ACADSB: variants seen among roughly 807,000 people sequenced by gnomAD.
ACADSB encodes acyl-CoA dehydrogenase short/branched chain, also known as short/branched chain specific acyl-CoA dehydrogenase, mitochondrial.
In ACADSB, 40 loss-of-function variants were observed where a neutral mutation model predicts 54.1. The observed-to-expected ratio is 0.74, with a 90% CI of 0.57 to 0.96. ACADSB has a LOEUF of 0.96. Among genes scored for constraint, ACADSB ranks in the 40% least tolerant of loss-of-function variants. The probability of loss-of-function intolerance (pLI) is 0.00; values close to 1 mark genes in which losing one functional copy is unlikely to be tolerated. For synonymous variants in ACADSB, 182 were observed against 182.8 expected (o/e 1.00, Z 0.03); for missense variants, 530 against 510.4 (o/e 1.04, Z -0.37).
chr10:123,039,300 C>T (rs1205679562), intron 3 of ACADSB, among the ~76,000 whole-genome samples: 1 of 152,300 alleles, frequency 6.6e-6, no homozygotes, highest in East Asian at 1.9e-4. Flanking sequence ...TTCCCTTTTC[C>T]TGTTGTAGCC....
intron 8 of ACADSB, among the ~76,000 whole-genome samples, chr10:123,050,510 G>C (rs1850615151): frequency 6.6e-6 from 1 of 152,186 alleles, no homozygotes; most frequent in African/African-American, 2.4e-5. Context: ...GTTAACTGTT[G>C]TTTCTTTCAT....
In ACADSB at chr10:123,052,943, C is replaced by T; in HGVS notation, c.1129-118C>T. On this transcript the variant is annotated intron_variant, in intron 9 of 10. Transcript: ENST00000358776. The surrounding 1 kb of genome is among the most constrained non-coding windows in gnomAD (Gnocchi z 4.2). ...GAGACAATGCTAGTTTAGAAGATAA[C>T]TTTAGTCCTTCCAGTGCCACTAACA... is the stretch of plus-strand genomic sequence containing the variant. 1.3e-6 allele frequency: 1 copy of T among 772,552 alleles called. No homozygotes were observed. The allele number at this position is 772,552 out of a possible 1,614,324, so 47.9% of individuals were successfully genotyped here. A position where few individuals can be genotyped will look rare whatever the true frequency, so the allele number is the denominator to read the frequency against.
At chr10:123,049,610 T>C (rs1272707417) in intron 8 of ACADSB, among the ~76,000 whole-genome samples, 1 of 152,196 alleles carries the variant, frequency 6.6e-6, no homozygotes, top group Non-Finnish European at 1.5e-5. Context: ...AATTCACTGA[T>C]GGAACAAAAC....
Position 123,055,013 on chromosome 10 carries a change from T to C in ACADSB, c.*1248T>C, listed in dbSNP as rs1339369680. The C allele has an allele frequency of 6.6e-6, 1 of 152,258 alleles. No individual in the cohort carries two copies. Among genetic ancestry groups the C allele is most frequent in the Non-Finnish European group, 1.5e-5 (1 of 68,104 alleles). 9.4% of individuals were successfully genotyped at this position (152,258 alleles called of 1,614,324 possible). A position where few individuals can be genotyped will look rare whatever the true frequency, so the allele number is the denominator to read the frequency against. ...AGGAATGAGGGAGAGAAGGGGGCTGTAGAGTTTGAAAAAGCATATTCAATA... is the reference window on the plus strand; with the variant it reads ...AGGAATGAGGGAGAGAAGGGGGCTGCAGAGTTTGAAAAAGCATATTCAATA... On this transcript the variant is annotated 3_prime_UTR_variant, in exon 11 of 11. Transcript: ENST00000358776.
At chr10:123,028,198 A>G (rs1850280068) in intron 1 of ACADSB, among the ~76,000 whole-genome samples, 1 of 152,188 alleles carries the variant, frequency 6.6e-6, no homozygotes. Context: ...TCTCAGGGAC[A>G]TTCTTTCTCA....
chr10:123,051,231 T>TC, intron 9 of ACADSB, 45 bp downstream of exon 9: 2 of 1,309,064 alleles, frequency 1.5e-6, no homozygotes, highest in Non-Finnish European at 1.9e-6. Flanking sequence ...TAATTCAGCC[T>TC]TTTTTTTTTC....
At chr10:123,043,639 G>A (rs1589742632) in intron 6 of ACADSB, among the ~76,000 whole-genome samples, 1 of 152,162 alleles carries the variant, frequency 6.6e-6, no homozygotes, top group South Asian at 2.1e-4. Context: ...GGGGCAGGTG[G>A]TGTCGGCTTT....
chr10:123,055,770 A>C lies in ACADSB; in HGVS notation c.*2005A>C, dbSNP rs1265270041. On this transcript the variant is annotated 3_prime_UTR_variant, in exon 11 of 11. Coordinates refer to ENST00000358776, the MANE Select transcript of ACADSB (RefSeq NM_001609.4). ...GGTAACAGGGCCCATGCAAGTCCAA[A>C]ATTCAGCAGGGCAGTCAAATTTTAA... The C allele has an allele frequency of 6.6e-6, 1 of 152,190 alleles. No homozygotes were observed. Among genetic ancestry groups the C allele is most frequent in the Non-Finnish European group, 1.5e-5 (1 of 68,050 alleles). The allele number at this position is 152,190 out of a possible 1,614,324, so 9.4% of individuals were successfully genotyped here.
rs1275282706 is a variant in ACADSB at position 123,055,996 on chromosome 10, C to T, written c.*2231C>T. The T allele has an allele frequency of 6.6e-6, 1 of 152,478 alleles. No individual in the cohort carries two copies. The highest frequency in any genetic ancestry group is 6.5e-5 in the Admixed American group (1 of 15,288). The allele number at this position is 152,478 out of a possible 1,614,324, so 9.4% of individuals were successfully genotyped here. On this transcript the variant is annotated 3_prime_UTR_variant, in exon 11 of 11. Coordinates refer to ENST00000358776, the MANE Select transcript of ACADSB (RefSeq NM_001609.4). Reference sequence around the variant, plus strand: ...AGCCTGAATTTTATTGTCAATATTGCTATCAGCATTTTGGGCAAAGCCATT... The same window carrying T: ...AGCCTGAATTTTATTGTCAATATTGTTATCAGCATTTTGGGCAAAGCCATT...
chr10:123,052,306 G>T lies in ACADSB; in HGVS notation c.1129-755G>T, dbSNP rs1850642944. ...TGGTTCTGGCAGACAGTTGTTTCCA[G>T]CTTCTAGGGGCTGCTCACATTCCTT... On this transcript the variant is annotated intron_variant, in intron 9 of 10. Transcript: ENST00000358776. The surrounding 1 kb of genome is among the most constrained non-coding windows in gnomAD (Gnocchi z 4.2). Among the ~76,000 whole-genome samples, 1 of 152,178 alleles carries T rather than the reference G, an allele frequency of 6.6e-6. No homozygotes were observed. Among genetic ancestry groups the T allele is most frequent in the South Asian group, 2.1e-4 (1 of 4,820 alleles).
rs987478577 is a variant in ACADSB at position 123,056,401 on chromosome 10, G to A, written c.*2636G>A. 5.1e-5 allele frequency: 10 copies of A among 195,076 alleles called. No individual in the cohort carries two copies. The highest frequency in any genetic ancestry group is 4.3e-3 in the Middle Eastern group (2 of 470). 12.1% of individuals were successfully genotyped at this position (195,076 alleles called of 1,614,324 possible). ...CAGATCTCATGAGACTTACTATCAT[G>A]AGAATAGCACAGGAAAGACTGGCCC... On this transcript the variant is annotated 3_prime_UTR_variant, in exon 11 of 11. Transcript: ENST00000358776.
intron 8 of ACADSB, among the ~76,000 whole-genome samples, chr10:123,050,257 TTGTC>T (rs1384495391): frequency 6.6e-6 from 1 of 152,216 alleles, no homozygotes; most frequent in Non-Finnish European, 1.5e-5. Context: ...AATTATTTAA[TTGTC>T]TGTTCTTCCT....
intron 4 of ACADSB, among the ~76,000 whole-genome samples, chr10:123,040,912 A>G (rs1213872728): frequency 6.6e-6 from 1 of 152,196 alleles, no homozygotes; most frequent in African/African-American, 2.4e-5. Context: ...TGTCCTGATT[A>G]TATTTTCTAA....
intron 1 of ACADSB, among the ~76,000 whole-genome samples, chr10:123,029,425 C>T (rs545141606): frequency 6.6e-6 from 1 of 151,984 alleles, no homozygotes; most frequent in East Asian, 1.9e-4. Flanking sequence ...TCCTCAGATA[C>T]AACCTCCATC....
rs1564752982 is a variant in ACADSB, at chr10:123,045,158, TATATA to T, written c.900+674_900+678del. Among the ~76,000 whole-genome samples, 32 of 15,496 alleles carry T rather than the reference TATATA, an allele frequency of 2.1e-3. 1 individual carries two copies. Among genetic ancestry groups the T allele is most frequent in the African/African-American group, 5.3e-3 (18 of 3,368 alleles). 10.2% of individuals were successfully genotyped at this position (15,496 alleles called of 152,430 possible). On this transcript the variant is annotated intron_variant, in intron 7 of 10. Transcript: ENST00000358776. ...ATATATATATATATATATATATATA[TATATA>T]TATATATATTTTTTTTTTTTTTTTT...
intron 3 of ACADSB, 83 bp from the exon 4 acceptor site, chr10:123,040,382 GT>G: frequency 8.6e-7 from 1 of 1,163,664 alleles, no homozygotes; most frequent in Non-Finnish European, 1.3e-6. Context: ...TATGGTTACA[GT>G]TTATTTTTTA....
intron 1 of ACADSB, 23 bp downstream of exon 1, chr10:123,009,094 T>G: frequency 6.5e-7 from 1 of 1,543,572 alleles, no homozygotes; most frequent in Non-Finnish European, 8.7e-7. Context: ...GAGGCTGGCG[T>G]CCTGGGGGCC....
chr10:123,055,352 C>T lies in ACADSB; in HGVS notation c.*1587C>T, dbSNP rs191990799. On this transcript the variant is annotated 3_prime_UTR_variant, in exon 11 of 11. Coordinates refer to ENST00000358776, the MANE Select transcript of ACADSB (RefSeq NM_001609.4). ...TCAGATCTTGTGAGACTTACTATCA[C>T]GAGAATAGCACAGGAAAGACTGGCC... 16 of 162,052 alleles carry T rather than the reference C, an allele frequency of 9.9e-5. No individual in the cohort carries two copies. In the East Asian group the frequency reaches 1.8e-3, roughly 18 times the overall value. The allele number at this position is 162,052 out of a possible 1,614,324, so 10.0% of individuals were successfully genotyped here.
At chr10:123,016,914 G>T (rs1477259418) in intron 1 of ACADSB, among the ~76,000 whole-genome samples, 1 of 152,174 alleles carries the variant, frequency 6.6e-6, no homozygotes, top group Non-Finnish European at 1.5e-5. Context: ...ACATGGCAGG[G>T]CCAGCTAATG....
Sources: allele counts gnomAD v4.1 joint callset (sites outside exome capture counted in the v4.1 genomes callset), GRCh38; gene constraint gnomAD v4.1.1; non-coding constraint Gnocchi (gnomAD v3.1); transcripts MANE v1.5; gene names NCBI Gene and HGNC (gene_info 2026-07-23, HGNC 2026-07-21).